TBC1D2: variants seen among roughly 807,000 people sequenced by gnomAD.
TBC1D2 encodes TBC1 domain family member 2A.
In TBC1D2, 58 loss-of-function variants were observed where a neutral mutation model predicts 91.1. The observed-to-expected ratio is 0.64, with a 90% confidence interval of 0.52 to 0.79. The LOEUF is 0.79. Ranked by LOEUF, TBC1D2 falls within the 30% of genes least tolerant of loss-of-function variation. The pLI is 0.00. For missense variants in TBC1D2, 1,080 were observed against 1,208.3 expected (o/e 0.89, Z 1.57); for synonymous variants, 482 against 511.5 (o/e 0.94, Z 0.78).
chr9:98,209,743 TTTCCTTCCTTCCTTTCC>T (rs1417799018), intron 8 of TBC1D2, among the ~76,000 whole-genome samples: 38 of 120,290 alleles, frequency 3.2e-4, no homozygotes, highest in Non-Finnish European at 4.9e-4. Flanking sequence ...CCTTCTTTCC[TTTCCTTCCTTCCTTTCC>T]TTCCTTCCTT....
At chr9:98,213,910 G>T (rs534897549) in intron 6 of TBC1D2, among the ~76,000 whole-genome samples, 13 of 152,316 alleles carry the variant, frequency 8.5e-5, no homozygotes, top group Admixed American at 8.5e-4. Flanking sequence ...TCCAGTGGAG[G>T]GAATGAGCTC....
chr9:98,223,682 C>A (rs1057126218), intron 5 of TBC1D2, among the ~76,000 whole-genome samples: 1 of 152,210 alleles, frequency 6.6e-6, no homozygotes. Flanking sequence ...ATCTAGCTGT[C>A]TCCTTCCCGC....
rs1229005480 is a variant in TBC1D2 at position 98,244,061 on chromosome 9, C to T, written c.580G>A (p.Ala194Thr). ...GCAGGGAAGGGCTGCAAGGCAGCTG[C>T]CACGCCCACTAGCCCAGGGGGTGTT... The part of the protein sequence containing the change: ...VKTPPGLVGV[A>T]AALQPFPALQ... The change falls in exon 3 of 13, where the codon GCA (alanine) becomes ACA (threonine). Residue 194 changes from alanine to threonine, a missense_variant. Transcript: ENST00000465784. The T allele has an allele frequency of 6.2e-7, 1 of 1,612,724 alleles. No individual in the cohort carries two copies. Among genetic ancestry groups the T allele is most frequent in the East Asian group, 2.2e-5 (1 of 44,884 alleles).
At chr9:98,208,567 C>CG in intron 9 of TBC1D2, 101 bp downstream of exon 9, 6 of 1,187,834 alleles carry the variant, frequency 5.1e-6, no homozygotes, top group Non-Finnish European at 6.9e-6. Flanking sequence ...CTGTGCGGCC[C>CG]CTTAACAGGC....
At chr9:98,242,330 G>A (rs571575959) in intron 3 of TBC1D2, among the ~76,000 whole-genome samples, 12 of 151,878 alleles carry the variant, frequency 7.9e-5, no homozygotes, top group Admixed American at 7.2e-4. Context: ...AATCCTAGCT[G>A]CTATGGAAGC....
chr9:98,222,585 C>T (rs1354556202), intron 5 of TBC1D2, among the ~76,000 whole-genome samples: 4 of 152,236 alleles, frequency 2.6e-5, no homozygotes, highest in Admixed American at 6.5e-5. Flanking sequence ...GGGAGGGCCA[C>T]GCCTGGACTC....
chr9:98,253,878 T>G (rs1400345258), intron 1 of TBC1D2, among the ~76,000 whole-genome samples: 1 of 152,050 alleles, frequency 6.6e-6, no homozygotes, highest in East Asian at 1.9e-4. Context: ...GAACCAGGGG[T>G]GGGGGTGCAT....
intron 2 of TBC1D2, among the ~76,000 whole-genome samples, chr9:98,246,283 C>T (rs1047535533): frequency 1.3e-5 from 2 of 152,092 alleles, no homozygotes; most frequent in African/African-American, 2.4e-5. Flanking sequence ...TGCACTATAT[C>T]TGCAAAAAGG....
In TBC1D2 at chr9:98,201,328, A is replaced by C. The variant is rs1461693266; in HGVS notation, c.2457+151T>G. 5 of 691,860 alleles carry C rather than the reference A, an allele frequency of 7.2e-6. 1 individual carries two copies. The Admixed American group carries it at 1.4e-4, about 20-fold the overall frequency. The allele number at this position is 691,860 out of a possible 1,614,324, so 42.9% of individuals were successfully genotyped here. A position where few individuals can be genotyped will look rare whatever the true frequency, so the allele number is the denominator to read the frequency against. ...GAACCACTACTTCTCATACATGCAA[A>C]GCATTTTGCAGTTGACAATGCTCTC... On this transcript the variant is annotated intron_variant, in intron 11 of 12. Coordinates refer to ENST00000465784, the MANE Select transcript of TBC1D2 (RefSeq NM_001267571.2).
intron 9 of TBC1D2, among the ~76,000 whole-genome samples, chr9:98,207,615 T>C (rs183888018): frequency 8.5e-5 from 13 of 152,240 alleles, no homozygotes; most frequent in African/African-American, 2.4e-4. Context: ...AGGGGTGGGG[T>C]GGGAAGACTC....
chr9:98,255,563 G>A lies in TBC1D2; in HGVS notation c.-22C>T, dbSNP rs576253024. The A allele has an allele frequency of 3.3e-4, 495 of 1,490,356 alleles. 4 individuals are homozygous for A. Among genetic ancestry groups the A allele is most frequent in the Non-Finnish European group, 2.7e-5 (30 of 1,123,818 alleles). The allele number at this position is 1,490,356 out of a possible 1,614,324, so 92.3% of individuals were successfully genotyped here. ...CCATCGCTGCCAGCCGGAGACTGCGGAGGGACGAGGGGTCCGCGGGACCAC... is the reference window on the plus strand; with the variant it reads ...CCATCGCTGCCAGCCGGAGACTGCGAAGGGACGAGGGGTCCGCGGGACCAC... On this transcript the variant is annotated 5_prime_UTR_variant, in exon 1 of 13. Transcript: ENST00000465784.
chr9:98,227,191 G>A (rs914454622), intron 5 of TBC1D2, among the ~76,000 whole-genome samples: 30 of 152,270 alleles, frequency 2.0e-4, no homozygotes, highest in African/African-American at 6.7e-4. Flanking sequence ...AAGACAGCTG[G>A]GCTGCTAAGC....
intron 5 of TBC1D2, among the ~76,000 whole-genome samples, chr9:98,223,584 A>G (rs1829150810): frequency 1.3e-5 from 2 of 152,210 alleles, no homozygotes; most frequent in Non-Finnish European, 1.5e-5. Context: ...AACAGACATC[A>G]TTGTTCAGAC....
At chr9:98,209,743 T>TTCCTTCCC (rs3059559) in intron 8 of TBC1D2, among the ~76,000 whole-genome samples, 23 of 120,398 alleles carry the variant, frequency 1.9e-4, no homozygotes, top group Non-Finnish European at 3.1e-4. Context: ...CCTTCTTTCC[T>TTCCTTCCC]TTCCTTCCTT....
At position 98,208,799 on chromosome 9, in the gene TBC1D2, G is replaced by A. The variant is rs200060512; in HGVS notation, c.2019C>T (p.Asp673=). ...TGTTGTTGGGGAAGGTCCGGTTCAGGTCCAGCTCAATCTGGCGGGCAGCAG... is the reference window on the plus strand; with the variant it reads ...TGTTGTTGGGGAAGGTCCGGTTCAGATCCAGCTCAATCTGGCGGGCAGCAG... ...EHPAARQIEL[D]LNRTFPNNKH... The change falls in exon 9 of 13, where the codon GAC becomes GAT. Residue 673 remains aspartate, a synonymous_variant. Transcript: ENST00000465784. The A allele has an allele frequency of 6.9e-6, 11 of 1,600,862 alleles. No individual in the cohort carries two copies. The East Asian group carries it at 2.5e-4, about 36-fold the overall frequency.
intron 3 of TBC1D2, among the ~76,000 whole-genome samples, chr9:98,234,311 G>C (rs780501028): frequency 6.6e-5 from 10 of 152,122 alleles, no homozygotes; most frequent in Non-Finnish European, 1.3e-4. Flanking sequence ...TTATAGAAGG[G>C]AACTAGATAG....
intron 4 of TBC1D2, among the ~76,000 whole-genome samples, chr9:98,233,112 C>T (rs1194226613): frequency 6.6e-6 from 1 of 152,244 alleles, no homozygotes; most frequent in Non-Finnish European, 1.5e-5. Flanking sequence ...GAGACCAGAG[C>T]TCTTTCGGCC....
chr9:98,204,355 A>C (rs946583040), intron 9 of TBC1D2, among the ~76,000 whole-genome samples: 10 of 152,158 alleles, frequency 6.6e-5, no homozygotes, highest in Non-Finnish European at 2.9e-5. Context: ...TGTGGTGACA[A>C]AACGCTGTGT....
chr9:98,210,888 G>A, intron 7 of TBC1D2, 45 bp from the exon 8 acceptor site: 1 of 1,421,526 alleles, frequency 7.0e-7, no homozygotes, highest in Non-Finnish European at 9.5e-7. Flanking sequence ...TGGGAGCTGG[G>A]CCGCCCCAGA....
Sources: gnomAD v4.1 joint callset for allele counts (sites outside exome capture counted in the v4.1 genomes callset) on GRCh38, gnomAD v4.1.1 for gene constraint, MANE v1.5 for transcripts, NCBI Gene and HGNC (gene_info 2026-07-23, HGNC 2026-07-21) for gene names.